The following TMEM9B variants were observed in gnomAD, a reference collection of about 807,000 sequenced individuals.
TMEM9B encodes the protein transmembrane protein 9B.
A neutral mutation model predicts 23.5 loss-of-function variants in TMEM9B; 8 were observed. That is an observed-to-expected ratio of 0.34 (90% CI 0.20 to 0.61). The LOEUF is 0.61. Among genes scored for constraint, TMEM9B ranks in the 20% least tolerant of loss-of-function variants. The pLI, the probability that TMEM9B is intolerant of heterozygous loss-of-function variation, is 0.78. For synonymous variants in TMEM9B, 106 were observed against 96.3 expected (o/e 1.10, Z -0.59); for missense variants, 197 against 252.3 (o/e 0.78, Z 1.49).
intron 2 of TMEM9B, among the ~76,000 whole-genome samples, chr11:8,958,217 CTT>C (rs1854008877): frequency 7.0e-6 from 1 of 143,528 alleles, no homozygotes. Flanking sequence ...AATCTCAGCA[CTT>C]TGGGAGGCCG....
intron 4 of TMEM9B, among the ~76,000 whole-genome samples, chr11:8,950,659 C>A (rs1293176758): frequency 6.6e-6 from 1 of 152,128 alleles, no homozygotes; most frequent in East Asian, 1.9e-4. Flanking sequence ...TATGTTTGTT[C>A]TTTTCACACC....
rs1853929894 is a variant in TMEM9B, at chr11:8,954,058, T to C, written c.307-721A>G. On this transcript the variant is annotated intron_variant, in intron 3 of 4. Transcript: ENST00000534025. Reference sequence around the variant, plus strand: ...AATGCATATTCATATAGTGAAATACTATTCAGCAATAAAAAGAAACGAAGT... The same window carrying C: ...AATGCATATTCATATAGTGAAATACCATTCAGCAATAAAAAGAAACGAAGT... Among the ~76,000 whole-genome samples, 3 of 152,216 alleles carry C rather than the reference T, an allele frequency of 2.0e-5. No individual in the cohort carries two copies. The South Asian group carries it at 6.2e-4, about 32-fold the overall frequency.
At chr11:8,960,138 G>GTTTTTT (rs10550659) in intron 2 of TMEM9B, among the ~76,000 whole-genome samples, 7 of 83,702 alleles carry the variant, frequency 8.4e-5, no homozygotes, top group African/African-American at 1.7e-4. Flanking sequence ...CTTTGTTTCT[G>GTTTTTT]TTTTTTTTTT....
At chr11:8,953,437 T>A in intron 3 of TMEM9B, 100 bp from the exon 4 acceptor site, 1 of 1,172,934 alleles carries the variant, frequency 8.5e-7, no homozygotes, top group Non-Finnish European at 1.2e-6. Flanking sequence ...GCTAAGCCTA[T>A]AGGATTTCTA....
chr11:8,960,301 C>G (rs562726688), intron 2 of TMEM9B, among the ~76,000 whole-genome samples: 1 of 152,042 alleles, frequency 6.6e-6, no homozygotes, highest in Non-Finnish European at 1.5e-5. Flanking sequence ...GCCACCATGC[C>G]CAGCTAATTT....
intron 4 of TMEM9B, among the ~76,000 whole-genome samples, chr11:8,951,801 G>T (rs1209043412): frequency 1.3e-5 from 2 of 148,774 alleles, no homozygotes; most frequent in African/African-American, 4.9e-5. Context: ...TTCATACAGG[G>T]TAATGATGAA....
chr11:8,958,907 G>C (rs939347944), intron 2 of TMEM9B, among the ~76,000 whole-genome samples: 3 of 152,110 alleles, frequency 2.0e-5, no homozygotes, highest in African/African-American at 4.8e-5. Context: ...TTTTAACAAA[G>C]GTAGTAATGA....
Position 8,956,170 on chromosome 11 carries a change from T to G in TMEM9B, c.306+20A>C, listed in dbSNP as rs370824692. ...GTAGACAGACAGACAGACAGGTAGA[T>G]AGAGGGATATATATTTTACCTTGAT... On this transcript the variant is annotated intron_variant, in intron 3 of 4. Coordinates refer to ENST00000534025, the MANE Select transcript of TMEM9B (RefSeq NM_020644.3). 5.1e-5 allele frequency: 82 copies of G among 1,600,878 alleles called. 1 individual carries two copies. Among genetic ancestry groups the G allele is most frequent in the South Asian group, 3.5e-4 (32 of 90,696 alleles).
At chr11:8,959,310 C>T (rs1854032578) in intron 2 of TMEM9B, among the ~76,000 whole-genome samples, 1 of 152,184 alleles carries the variant, frequency 6.6e-6, no homozygotes, top group Non-Finnish European at 1.5e-5. Flanking sequence ...TGATGGTACA[C>T]ACCTGTAGTC....
At position 8,960,807 on chromosome 11, in the gene TMEM9B, G is replaced by A. The variant is rs192581976; in HGVS notation, c.197+1285C>T. On this transcript the variant is annotated intron_variant, in intron 2 of 4. Transcript: ENST00000534025. Reference sequence around the variant, plus strand: ...AGCGATTCTCCTGCCTCGGCCTCCCGAGTGGCTGGGATTACAGGCACCCGC... The same window carrying A: ...AGCGATTCTCCTGCCTCGGCCTCCCAAGTGGCTGGGATTACAGGCACCCGC... Among the ~76,000 whole-genome samples the A allele has an allele frequency of 6.1e-3, 924 of 151,026 alleles. 9 individuals are homozygous for A. Among genetic ancestry groups the A allele is most frequent in the African/African-American group, 0.021 (861 of 41,072 alleles).
At chr11:8,951,489 C>T (rs2568084) in intron 4 of TMEM9B, among the ~76,000 whole-genome samples, 3,054 of 152,140 alleles carry the variant, frequency 0.02, 76 homozygotes, top group East Asian at 0.083. Flanking sequence ...CGGTGGCTCA[C>T]GCCTGTAATC....
At chr11:8,948,613 C>T in intron 4 of TMEM9B, 138 bp from the exon 5 acceptor site, 1 of 956,218 alleles carries the variant, frequency 1.0e-6, no homozygotes, top group Non-Finnish European at 1.5e-6. Flanking sequence ...GCTAAGCACT[C>T]CTAAGCGCTC....
Position 8,948,338 on chromosome 11 carries a change from C to T in TMEM9B, c.579G>A (p.Arg193=). The change falls in exon 5 of 5, where the codon CGG becomes CGA. Residue 193 remains arginine (R), a synonymous_variant. Coordinates refer to ENST00000534025, the MANE Select transcript of TMEM9B (RefSeq NM_020644.3). ...TTCCCAATTAGCTGAGGACAACATG[C>T]CGGTCAAAGACAGACTTTCGCTGCT... ...VQEQRKSVFD[R]HVVLS The T allele has an allele frequency of 6.2e-7, 1 of 1,613,884 alleles. No homozygotes were observed. Among genetic ancestry groups the T allele is most frequent in the Non-Finnish European group, 8.5e-7 (1 of 1,179,892 alleles).
At chr11:8,954,020 CCAT>C (rs1326792931) in intron 3 of TMEM9B, among the ~76,000 whole-genome samples, 1 of 152,198 alleles carries the variant, frequency 6.6e-6, no homozygotes, top group Non-Finnish European at 1.5e-5. Context: ...ATCCAAACGT[CCAT>C]CAACTGATAA....
intron 3 of TMEM9B, among the ~76,000 whole-genome samples, chr11:8,954,177 T>C: frequency 6.6e-6 from 1 of 152,208 alleles, no homozygotes; most frequent in Admixed American, 6.5e-5. Context: ...TGATTCCATA[T>C]ACATGAAATG....
intron 2 of TMEM9B, among the ~76,000 whole-genome samples, chr11:8,959,068 C>A (rs1195452392): frequency 6.6e-6 from 1 of 152,126 alleles, no homozygotes; most frequent in African/African-American, 2.4e-5. Context: ...GAACTATATC[C>A]CATAACAGGT....
rs1853793796 is a variant in TMEM9B at position 8,947,652 on chromosome 11, A to C, written c.*668T>G. The C allele has an allele frequency of 6.5e-6, 1 of 152,688 alleles. No individual in the cohort carries two copies. The highest frequency in any genetic ancestry group is 2.4e-5 in the African/African-American group (1 of 41,450). The allele number at this position is 152,688 out of a possible 1,614,324, so 9.5% of individuals were successfully genotyped here. A position where few individuals can be genotyped will look rare whatever the true frequency, so the allele number is the denominator to read the frequency against. ...AAATGGCCAGTTTGTTCTAGGATGCATTGCATCAGACATCACAGTACATGA... is the reference window on the plus strand; with the variant it reads ...AAATGGCCAGTTTGTTCTAGGATGCCTTGCATCAGACATCACAGTACATGA... On this transcript the variant is annotated 3_prime_UTR_variant, in exon 5 of 5. Coordinates refer to ENST00000534025, the MANE Select transcript of TMEM9B (RefSeq NM_020644.3).
chr11:8,959,265 G>A (rs1854031486), intron 2 of TMEM9B, among the ~76,000 whole-genome samples: 1 of 152,198 alleles, frequency 6.6e-6, no homozygotes, highest in Non-Finnish European at 1.5e-5. Context: ...AACATAGTGA[G>A]ACCCAGTGTC....
At chr11:8,948,561 A>G in intron 4 of TMEM9B, 86 bp from the exon 5 acceptor site, 1 of 1,482,080 alleles carries the variant, frequency 6.7e-7, no homozygotes, top group Non-Finnish European at 9.1e-7. Flanking sequence ...CGCCACAGAA[A>G]TAGGGGTAGG....
Sources: gnomAD v4.1 joint callset for allele counts (sites outside exome capture counted in the v4.1 genomes callset) on GRCh38, gnomAD v4.1.1 for gene constraint, MANE v1.5 for transcripts, NCBI Gene and HGNC (gene_info 2026-07-23, HGNC 2026-07-21) for gene names.